EIF3I: variants seen among roughly 807,000 people sequenced by gnomAD.
EIF3I encodes eukaryotic translation initiation factor 3 subunit I, also known as TGF-beta receptor-interacting protein 1.
Under a neutral mutation model 43.3 loss-of-function variants are expected in EIF3I, and 20 were observed. The observed-to-expected ratio is 0.46, with a 90% CI of 0.32 to 0.67. The LOEUF (loss-of-function observed/expected upper bound fraction) is 0.67. Among genes scored for constraint, EIF3I ranks in the 30% least tolerant of loss-of-function variants. The pLI, the probability that EIF3I is intolerant of heterozygous loss-of-function variation, is 0.03. For synonymous variants in EIF3I, 167 were observed against 151.7 expected, an observed-to-expected ratio of 1.10 and a Z score of -0.74; for missense variants, 279 against 421.4, an observed-to-expected ratio of 0.66 and a Z score of 2.96.
downstream of EIF3I, among the ~76,000 whole-genome samples, chr1:32,233,581 C>T (rs539674584): frequency 7.9e-5 from 12 of 152,092 alleles, no homozygotes; most frequent in Non-Finnish European, 1.8e-4. Context: ...TGAGCCACCG[C>T]GCCCGGCCAG....
At chr1:32,230,968 A>G (rs757252746) in exon 11 of EIF3I, 5 of 1,601,406 alleles carry the variant, frequency 3.1e-6, no homozygotes, top group South Asian at 1.1e-5. Flanking sequence ...GGAAGAGTCA[A>G]GGGTCACTTT....
At chr1:32,229,293 C>T (rs1214410973) in intron 9 of EIF3I, 85 bp downstream of exon 9, 23 of 1,425,934 alleles carry the variant, frequency 1.6e-5, no homozygotes, top group East Asian at 4.6e-5. Context: ...TGGAGTCTCG[C>T]TCTGTCGCCT....
At chr1:32,230,521 C>T (rs1388214132) in intron 10 of EIF3I, among the ~76,000 whole-genome samples, 3 of 152,018 alleles carry the variant, frequency 2.0e-5, no homozygotes, top group African/African-American at 7.2e-5. Flanking sequence ...TGCGCCTCGG[C>T]TTCTGCTTTA....
chr1:32,225,501 G>A (rs1329785567), intron 4 of EIF3I, among the ~76,000 whole-genome samples: 3 of 151,976 alleles, frequency 2.0e-5, no homozygotes, highest in Non-Finnish European at 4.4e-5. Context: ...CCAGCACTTT[G>A]GGAGGTTGAG....
chr1:32,234,260 T>C (rs1182663126), downstream of EIF3I: 2 of 147,326 alleles, frequency 1.4e-5, no homozygotes, highest in Non-Finnish European at 3.0e-5. Context: ...ATCGTGCCAC[T>C]GCGCTCCAGA....
chr1:32,223,139 T>C (rs1307470737), intron 2 of EIF3I, among the ~76,000 whole-genome samples: 1 of 152,176 alleles, frequency 6.6e-6, no homozygotes, highest in African/African-American at 2.4e-5. Flanking sequence ...TAATCTAATC[T>C]TTCTACCAGG....
At chr1:32,224,322 T>C in intron 3 of EIF3I, 88 bp from the exon 4 acceptor site, 1 of 1,258,308 alleles carries the variant, frequency 7.9e-7, no homozygotes, top group Non-Finnish European at 1.2e-6. Flanking sequence ...AAAGGCTCTT[T>C]GGGGCTGAAC....
chr1:32,230,557 AG>A (rs1017964712), intron 10 of EIF3I, among the ~76,000 whole-genome samples: 9 of 151,636 alleles, frequency 5.9e-5, no homozygotes, highest in African/African-American at 2.2e-4. Flanking sequence ...TTTGCATTTG[AG>A]GCCAGGTGTG....
At chr1:32,227,212 G>A (rs1170517933) in intron 6 of EIF3I, among the ~76,000 whole-genome samples, 1 of 149,478 alleles carries the variant, frequency 6.7e-6, no homozygotes, top group Non-Finnish European at 1.5e-5. Context: ...CAGGGGTTGG[G>A]GCTGCAGTGA....
chr1:32,225,223 G>A (rs889591870), intron 4 of EIF3I, among the ~76,000 whole-genome samples: 1 of 151,678 alleles, frequency 6.6e-6, no homozygotes, highest in Non-Finnish European at 1.5e-5. Context: ...TGATCCACCC[G>A]CCTTGGCCTC....
intron 4 of EIF3I, among the ~76,000 whole-genome samples, chr1:32,225,040 GC>G (rs908387715): frequency 3.9e-5 from 6 of 152,104 alleles, no homozygotes. Flanking sequence ...CACCATGTTG[GC>G]CAGACTGGTC....
rs762689623 is a variant in EIF3I, at chr1:32,226,471, C to A, written c.469C>A (p.Leu157Met). 45 of 1,597,368 alleles carry A rather than the reference C, an allele frequency of 2.8e-5. No homozygotes were observed. The Admixed American group carries it at 5.9e-4, about 21-fold the overall frequency. Residue 157 changes from leucine (L) to methionine (M), a missense_variant, in exon 6 of 12, where the codon CTG becomes ATG. Leu to Met is a conservative substitution (Grantham distance 15). Around this residue, in one of 4 missense-constraint regions of EIF3I, gnomAD observed 156 missense variants for 178.8 expected, o/e 0.87. Transcript: ENST00000676679. ...AATCACCAGTGCTGTTTGGGGACCCCTGGGGGAGTGCATCATCGCTGGCCA... is the reference window on the plus strand; with the variant it reads ...AATCACCAGTGCTGTTTGGGGACCCATGGGGGAGTGCATCATCGCTGGCCA...
At chr1:32,235,806 T>C (rs967001373), downstream of EIF3I, among the ~76,000 whole-genome samples, 3 of 152,160 alleles carry the variant, frequency 2.0e-5, no homozygotes, top group African/African-American at 7.2e-5. Flanking sequence ...CAACATAGCA[T>C]TCCCTGGGGA....
chr1:32,226,303 G>A (rs1157176899), exon 5 of EIF3I: 2 of 1,614,054 alleles, frequency 1.2e-6, no homozygotes, highest in Admixed American at 1.7e-5. Flanking sequence ...TTTGACCTGC[G>A]GGATCCGAGC....
At chr1:32,231,246 A>G (rs776214826) in exon 12 of EIF3I, 29 of 1,569,254 alleles carry the variant, frequency 1.8e-5, no homozygotes, top group East Asian at 2.2e-5. Flanking sequence ...TAATCCCACC[A>G]CTTTTTTTTT....
rs751025103 is a variant in EIF3I at position 32,229,210 on chromosome 1, TAAA to T, written c.803+3_803+5del. 5 of 1,612,960 alleles carry T rather than the reference TAAA, an allele frequency of 3.1e-6. No individual in the cohort carries two copies. In the African/African-American group the frequency reaches 4.0e-5, roughly 13 times the overall value. On this transcript the variant is annotated splice_donor_5th_base_variant and intron_variant, in intron 9 of 11. Transcript: ENST00000676679. ...CAGGATTGGCAAGTTTGAGGCCAGGTAAAGAAGAAGAGAGCTCTTCCAAATTAA... is the reference window on the plus strand; with the variant it reads ...CAGGATTGGCAAGTTTGAGGCCAGGTGAAGAAGAGAGCTCTTCCAAATTAA...
exon 6 of EIF3I, chr1:32,226,483 A>C (rs1444492670): frequency 1.9e-6 from 3 of 1,593,146 alleles, no homozygotes; most frequent in Admixed American, 3.5e-5. Context: ...GGGGGAGTGC[A>C]TCATCGCTGG....
intron 6 of EIF3I, 107 bp downstream of exon 6, chr1:32,226,637 G>GCT: frequency 8.3e-7 from 1 of 1,204,040 alleles, no homozygotes; most frequent in Non-Finnish European, 1.1e-6. Flanking sequence ...CGCCATCTCG[G>GCT]CTCACTGCGA....
intron 4 of EIF3I, among the ~76,000 whole-genome samples, chr1:32,225,716 C>T (rs1359008658): frequency 2.1e-5 from 3 of 145,916 alleles, no homozygotes; most frequent in Non-Finnish European, 3.0e-5. Context: ...AGGACAAGAG[C>T]GAAACTCCAT....
Sources: gnomAD v4.1 joint callset for allele counts (sites outside exome capture counted in the v4.1 genomes callset) on GRCh38, gnomAD v4.1.1 for gene constraint, gnomAD v4.1.1 regional missense constraint, MANE v1.5 for transcripts, NCBI Gene and HGNC (gene_info 2026-07-23, HGNC 2026-07-21) for gene names.